DNAAF9: variants seen among roughly 807,000 people sequenced by gnomAD.
DNAAF9 encodes the protein dynein axonemal assembly factor 9, also known as shulin.
A neutral mutation model predicts 167.0 loss-of-function variants in DNAAF9; 90 were observed. The observed-to-expected ratio is 0.54, with a 90% CI of 0.45 to 0.64. DNAAF9 has a LOEUF of 0.64. Among genes scored for constraint, DNAAF9 ranks in the 30% least tolerant of loss-of-function variants. The pLI, the probability that DNAAF9 is intolerant of heterozygous loss-of-function variation, is 0.00. For synonymous variants in DNAAF9, 491 were observed against 508.8 expected (o/e 0.96, Z 0.47); for missense variants, 1,315 against 1,442.2 (o/e 0.91, Z 1.43).
At chr20:3,346,257 C>T (rs2070191033) in intron 8 of DNAAF9, among the ~76,000 whole-genome samples, 1 of 152,168 alleles carries the variant, frequency 6.6e-6, no homozygotes. Context: ...TTGGCAATAA[C>T]TAACAACATG....
intron 8 of DNAAF9, among the ~76,000 whole-genome samples, chr20:3,347,821 C>A (rs2070226298): frequency 6.6e-6 from 1 of 152,044 alleles, no homozygotes; most frequent in South Asian, 2.1e-4. Flanking sequence ...ACTTGGGAGG[C>A]TGAGGCAGGA....
intron 25 of DNAAF9, among the ~76,000 whole-genome samples, chr20:3,293,314 AAAAAAG>A (rs2068999034): frequency 6.7e-6 from 1 of 149,950 alleles, no homozygotes; most frequent in Non-Finnish European, 1.5e-5. Flanking sequence ...AAAAAAAAAA[AAAAAAG>A]AGACTTATGG....
At chr20:3,387,114 C>T (rs1369869570) in intron 1 of DNAAF9, among the ~76,000 whole-genome samples, 2 of 152,178 alleles carry the variant, frequency 1.3e-5, no homozygotes, top group Non-Finnish European at 2.9e-5. Flanking sequence ...TCAGTGTAAT[C>T]CCTTCTCAAA....
At chr20:3,303,973 A>T (rs1353465881) in intron 21 of DNAAF9, among the ~76,000 whole-genome samples, 1 of 152,166 alleles carries the variant, frequency 6.6e-6, no homozygotes, top group Non-Finnish European at 1.5e-5. Flanking sequence ...GGGGAAAGTG[A>T]GCCATTTCTC....
At chr20:3,274,257 C>T (rs2068641939) in intron 29 of DNAAF9, among the ~76,000 whole-genome samples, 1 of 151,934 alleles carries the variant, frequency 6.6e-6, no homozygotes, top group African/African-American at 2.4e-5. Flanking sequence ...ATTCTCCTGC[C>T]TCATCCTCCT....
At position 3,338,269 on chromosome 20, in the gene DNAAF9, A is replaced by G. The variant is rs190083663; in HGVS notation, c.981+2235T>C. Among the ~76,000 whole-genome samples, 265 of 152,134 alleles carry G rather than the reference A, an allele frequency of 1.7e-3. 1 individual carries two copies. In the Middle Eastern group the frequency reaches 0.031, roughly 18 times the overall value. On this transcript the variant is annotated intron_variant, in intron 10 of 36. Coordinates refer to ENST00000252032, the MANE Select transcript of DNAAF9 (RefSeq NM_001009984.3). ...TGTGGTTTGGTTGGTGTGCTTTTTC[A>G]TTCAACACTTTAAAATATCATTTCA...
rs1322296886 is a variant in DNAAF9, at chr20:3,394,942, CTTTTTTCTTTTTTTTTTTTTTT to C, written c.84-12458_84-12437del. On this transcript the variant is annotated intron_variant, in intron 1 of 36. Transcript: ENST00000252032. ...TTCCATGGCTTTTACTGAACATTTT[CTTTTTTCTTTTTTTTTTTTTTT>C]TTTTTTTTTTTTTTTTTTTTTGAGA... is the stretch of plus-strand genomic sequence containing the variant. Among the ~76,000 whole-genome samples the C allele has an allele frequency of 8.7e-3, 778 of 89,032 alleles. 20 individuals are homozygous for C. Among genetic ancestry groups the C allele is most frequent in the African/African-American group, 0.028 (728 of 25,692 alleles). The allele number at this position is 89,032 out of a possible 152,430, so 58.4% of individuals were successfully genotyped here. A position where few individuals can be genotyped will look rare whatever the true frequency, so the allele number is the denominator to read the frequency against.
At chr20:3,363,506 A>G (rs1473486682) in intron 6 of DNAAF9, among the ~76,000 whole-genome samples, 1 of 151,642 alleles carries the variant, frequency 6.6e-6, no homozygotes, top group African/African-American at 2.4e-5. Flanking sequence ...AAAAAAGAAA[A>G]AAAAAGATTA....
At chr20:3,339,525 T>C (rs2070036267) in intron 10 of DNAAF9, among the ~76,000 whole-genome samples, 1 of 152,192 alleles carries the variant, frequency 6.6e-6, no homozygotes. Flanking sequence ...CTTCCCCATT[T>C]TTCTTCTTTG....
At chr20:3,381,066 G>C (rs2083644201) in intron 3 of DNAAF9, among the ~76,000 whole-genome samples, 1 of 152,134 alleles carries the variant, frequency 6.6e-6, no homozygotes, top group Non-Finnish European at 1.5e-5. Context: ...CATGTAATCT[G>C]AACCGTTAGC....
intron 25 of DNAAF9, among the ~76,000 whole-genome samples, chr20:3,292,015 T>C (rs922368350): frequency 8.6e-5 from 13 of 151,996 alleles, no homozygotes; most frequent in Non-Finnish European, 1.8e-4. Context: ...TTTTTTTTTT[T>C]TGAGATGGAG....
chr20:3,377,378 T>TA (rs1166117748), intron 3 of DNAAF9, among the ~76,000 whole-genome samples: 2 of 152,196 alleles, frequency 1.3e-5, no homozygotes, highest in African/African-American at 4.8e-5. Context: ...ATAAAATACT[T>TA]AGATTTCTTT....
intron 11 of DNAAF9, among the ~76,000 whole-genome samples, chr20:3,331,677 TTTG>T (rs1278459438): frequency 1.8e-4 from 28 of 152,126 alleles, no homozygotes; most frequent in African/African-American, 5.3e-4. Context: ...CTCTTGCTTT[TTTG>T]TTGTTGTTGT....
At chr20:3,407,423 A>G in intron 1 of DNAAF9, 52 bp downstream of exon 1, 1 of 1,256,776 alleles carries the variant, frequency 8.0e-7, no homozygotes, top group South Asian at 2.7e-5. Flanking sequence ...CCGGACCCCG[A>G]CAGCCCGCAT....
chr20:3,363,713 A>G (rs922681882), intron 6 of DNAAF9, among the ~76,000 whole-genome samples: 3 of 152,098 alleles, frequency 2.0e-5, no homozygotes, highest in Admixed American at 2.0e-4. Flanking sequence ...AAAACAAAAC[A>G]AAAAGACATA....
chr20:3,283,797 A>C (rs1200916625), intron 27 of DNAAF9, among the ~76,000 whole-genome samples: 1 of 150,860 alleles, frequency 6.6e-6, no homozygotes. Context: ...AGCAGTAGAG[A>C]CTCATTTCTT....
intron 27 of DNAAF9, among the ~76,000 whole-genome samples, chr20:3,286,527 A>G (rs2068855604): frequency 6.6e-6 from 1 of 152,168 alleles, no homozygotes; most frequent in Admixed American, 6.5e-5. Flanking sequence ...GACCAGTAGA[A>G]ACAATGAAAA....
Position 3,249,916 on chromosome 20 carries a change from G to A in DNAAF9, c.*2656C>T, listed in dbSNP as rs2068172951. The A allele has an allele frequency of 6.6e-6, 1 of 152,086 alleles. No homozygotes were observed. 9.4% of individuals were successfully genotyped at this position (152,086 alleles called of 1,614,324 possible). A position where few individuals can be genotyped will look rare whatever the true frequency, so the allele number is the denominator to read the frequency against. On this transcript the variant is annotated 3_prime_UTR_variant, in exon 37 of 37. Transcript: ENST00000252032. The stretch of plus-strand genomic sequence containing the variant: ...GGGGCCGGCTCAACTCCTTGCCAAC[G>A]GCCCTTCCCTAGGATAATAATCCCA...
chr20:3,340,489 A>C lies in DNAAF9; in HGVS notation c.981+15T>G, dbSNP rs774288635. 2 of 1,463,126 alleles carry C rather than the reference A, an allele frequency of 1.4e-6. No individual in the cohort carries two copies. The highest frequency in any genetic ancestry group is 1.9e-5 in the Admixed American group (1 of 52,310). 90.6% of individuals were successfully genotyped at this position (1,463,126 alleles called of 1,614,324 possible). ...TAATAAAACTAATCAAGCACCAGGC[A>C]GTCCAGCCACTTACCATGTGCTTGG... On this transcript the variant is annotated intron_variant, in intron 10 of 36. Coordinates refer to ENST00000252032, the MANE Select transcript of DNAAF9 (RefSeq NM_001009984.3).
Sources: allele counts gnomAD v4.1 joint callset (sites outside exome capture counted in the v4.1 genomes callset), GRCh38; gene constraint gnomAD v4.1.1; transcripts MANE v1.5; gene names NCBI Gene and HGNC (gene_info 2026-07-23, HGNC 2026-07-21).